Variants in DYTN observed in about 807,000 individuals in gnomAD.
DYTN encodes the protein dystrotelin.
In DYTN, 75 loss-of-function variants were observed where a neutral mutation model predicts 69.6. The ratio of observed to expected loss-of-function variants is 1.08; its 90% confidence interval spans 0.89 to 1.31. DYTN has a LOEUF of 1.31. Among genes scored for constraint, DYTN ranks in the 50% most tolerant of loss-of-function variants. The probability of loss-of-function intolerance (pLI) is 0.00; values close to 1 mark genes in which losing one functional copy is unlikely to be tolerated. For missense variants in DYTN, 726 were observed against 688.4 expected (o/e 1.05, Z -0.61); for synonymous variants, 252 against 249.1 (o/e 1.01, Z -0.11).
In DYTN at chr2:206,663,185, G is replaced by C. The variant is rs377396036; in HGVS notation, c.1351C>G (p.Arg451Gly). The change falls in exon 11 of 12, where the codon CGA (arginine) becomes GGA (glycine). Residue 451 changes from arginine (R) to glycine (G), a missense_variant. By Grantham distance (125) the Arg-to-Gly change is moderately radical. Transcript: ENST00000452335. The part of the protein sequence containing the change: ...RSHTNAEHAL[R>G]NPESPETTLH... ...GTGGTCTCTGGTGATTCTGGATTTC[G>C]CAGAGCATGCTCTGCATTTGTGTGA... 6.2e-7 allele frequency: 1 copy of C among 1,613,772 alleles called. No homozygotes were observed. Among genetic ancestry groups the C allele is most frequent in the East Asian group, 2.2e-5 (1 of 44,878 alleles).
chr2:206,676,315 A>C (rs1316609778), intron 9 of DYTN, among the ~76,000 whole-genome samples: 1 of 152,152 alleles, frequency 6.6e-6, no homozygotes, highest in Non-Finnish European at 1.5e-5. Flanking sequence ...ATCCACAGCA[A>C]ACTAACACAG....
chr2:206,717,718 G>A (rs1700142612), intron 1 of DYTN, among the ~76,000 whole-genome samples: 1 of 152,158 alleles, frequency 6.6e-6, no homozygotes, highest in Admixed American at 6.5e-5. Context: ...TTTGGTTAGG[G>A]GAGTAAGGCT....
chr2:206,715,465 A>T (rs1700118025), intron 1 of DYTN, among the ~76,000 whole-genome samples: 1 of 151,956 alleles, frequency 6.6e-6, no homozygotes, highest in African/African-American at 2.4e-5. Flanking sequence ...CTGGGAAGGG[A>T]AGTGTGGGAG....
chr2:206,690,605 C>T (rs1040143283), intron 9 of DYTN, among the ~76,000 whole-genome samples: 5 of 152,070 alleles, frequency 3.3e-5, no homozygotes, highest in Non-Finnish European at 4.4e-5. Context: ...GAGACTCACT[C>T]GGAGTTCAAA....
chr2:206,681,985 G>A (rs71429734), intron 9 of DYTN, among the ~76,000 whole-genome samples: 10,569 of 152,158 alleles, frequency 0.069, 444 homozygotes, highest in Non-Finnish European at 0.079. Flanking sequence ...GGTAGAATTC[G>A]GCTGTGAATC....
chr2:206,662,992 ATGT>A lies in DYTN; in HGVS notation c.1541_1543del (p.Asn514del). 1 of 1,613,738 alleles carries A rather than the reference ATGT, an allele frequency of 6.2e-7. No individual in the cohort carries two copies. Among genetic ancestry groups the A allele is most frequent in the Non-Finnish European group, 8.5e-7 (1 of 1,179,866 alleles). ...CTCCAGCTCATCCTTTCTCTCCTTG[ATGT>A]TACCTGCCTCTTTCTTTTCCACGGC... On this transcript the variant is annotated inframe_deletion, in exon 11 of 12. Coordinates refer to ENST00000452335, the MANE Select transcript of DYTN (RefSeq NM_001093730.1).
In DYTN at chr2:206,651,827, A is replaced by T; in HGVS notation, c.1728T>A (p.Asn576Lys). Reference protein sequence around the residue: ...SALVDQIALPNLK With the variant: ...SALVDQIALPKLK ...GAGCCTGGACTCCATTTCACTTCAA[A>T]TTGGGCAAGGCAATTTGATCAACAA... Residue 576 changes from asparagine (N) to lysine (K), a missense_variant, in exon 12 of 12, where the codon AAT (asparagine) becomes AAA (lysine). Asn to Lys is a moderately conservative substitution (Grantham distance 94, BLOSUM62 0). Transcript: ENST00000452335. 1 of 1,613,572 alleles carries T rather than the reference A, an allele frequency of 6.2e-7. No individual in the cohort carries two copies. The highest frequency in any genetic ancestry group is 8.5e-7 in the Non-Finnish European group (1 of 1,179,546).
chr2:206,676,010 G>T (rs548235714), intron 9 of DYTN, among the ~76,000 whole-genome samples: 1 of 152,198 alleles, frequency 6.6e-6, no homozygotes, highest in Non-Finnish European at 1.5e-5. Flanking sequence ...CATTGTGAAA[G>T]TCAATGTGGC....
At chr2:206,708,934 C>T (rs1488483679) in intron 2 of DYTN, among the ~76,000 whole-genome samples, 2 of 152,174 alleles carry the variant, frequency 1.3e-5, no homozygotes, top group Non-Finnish European at 2.9e-5. Context: ...GGAACATACT[C>T]AGGCATTCGT....
At chr2:206,688,580 C>T (rs986189398) in intron 9 of DYTN, among the ~76,000 whole-genome samples, 5 of 152,148 alleles carry the variant, frequency 3.3e-5, no homozygotes, top group Admixed American at 1.3e-4. Context: ...TGCCACTCTG[C>T]TTATGTCTGC....
In DYTN at chr2:206,682,572, T is replaced by C. The variant is rs183913678; in HGVS notation, c.980+10603A>G. Among the ~76,000 whole-genome samples the C allele has an allele frequency of 9.9e-5, 15 of 152,228 alleles. 1 individual carries two copies. The Middle Eastern group carries it at 0.017, about 173-fold the overall frequency. On this transcript the variant is annotated intron_variant, in intron 9 of 11. Coordinates refer to ENST00000452335, the MANE Select transcript of DYTN (RefSeq NM_001093730.1). ...TGTCACAGGGCTCAGTCTTTGATCC[T>C]CTTCTCTTTCCCCTCTACACTCTCT... is the stretch of plus-strand genomic sequence containing the variant.
At chr2:206,694,919 T>TAA in intron 7 of DYTN, 42 bp from the exon 8 acceptor site, 2 of 1,063,356 alleles carry the variant, frequency 1.9e-6, no homozygotes, top group African/African-American at 4.8e-5. Flanking sequence ...CACTAGTAGA[T>TAA]GAGAAAAAAA....
At chr2:206,697,601 A>G (rs1213679391) in intron 7 of DYTN, among the ~76,000 whole-genome samples, 1 of 152,242 alleles carries the variant, frequency 6.6e-6, no homozygotes. Context: ...TTAGAGCTAA[A>G]GAAGTCTCAG....
chr2:206,700,640 A>G (rs1250979239), intron 5 of DYTN, among the ~76,000 whole-genome samples: 1 of 151,968 alleles, frequency 6.6e-6, no homozygotes, highest in East Asian at 1.9e-4. Flanking sequence ...ACATGTGCAG[A>G]ACGTGCAGGT....
At chr2:206,678,917 A>G (rs974321088) in intron 9 of DYTN, 2 of 152,226 alleles carry the variant, frequency 1.3e-5, no homozygotes, top group Admixed American at 6.5e-5. Flanking sequence ...AACATCTTAA[A>G]AAGAATCCCC....
intron 9 of DYTN, 62 bp from the exon 10 acceptor site, chr2:206,666,091 C>G: frequency 6.4e-7 from 1 of 1,568,600 alleles, no homozygotes; most frequent in Non-Finnish European, 8.6e-7. Context: ...TAATTAGAGC[C>G]CTGGTAAGAT....
intron 9 of DYTN, among the ~76,000 whole-genome samples, chr2:206,680,844 C>T (rs922393669): frequency 1.3e-5 from 2 of 152,090 alleles, no homozygotes; most frequent in Admixed American, 6.6e-5. Context: ...GAATTCATTC[C>T]CTCAAACAAA....
At chr2:206,662,673 G>A (rs2105888011) in intron 11 of DYTN, among the ~76,000 whole-genome samples, 1 of 151,298 alleles carries the variant, frequency 6.6e-6, no homozygotes, top group East Asian at 1.9e-4. Flanking sequence ...CTATATGCCA[G>A]GTTCTATACT....
At chr2:206,694,920 G>T in intron 7 of DYTN, 43 bp from the exon 8 acceptor site, 90 of 788,652 alleles carry the variant, frequency 1.1e-4, no homozygotes, top group Non-Finnish European at 1.3e-4. Flanking sequence ...ACTAGTAGAT[G>T]AGAAAAAAAA....
Sources: allele counts gnomAD v4.1 joint callset (sites outside exome capture counted in the v4.1 genomes callset), GRCh38; gene constraint gnomAD v4.1.1; transcripts MANE v1.5; gene names NCBI Gene and HGNC (gene_info 2026-07-23, HGNC 2026-07-21).